The following CEBPZ variants were observed in gnomAD, a reference collection of about 807,000 sequenced individuals.
CEBPZ encodes the protein CCAAT enhancer binding protein zeta, also known as CCAAT/enhancer-binding protein zeta.
In CEBPZ, 78 loss-of-function variants were observed where a neutral mutation model predicts 104.5. That is an observed-to-expected ratio of 0.75 (90% CI 0.62 to 0.90). CEBPZ has a LOEUF of 0.90. CEBPZ is among the 40% of genes least tolerant of loss of function. CEBPZ has a pLI of 0.00. For synonymous variants in CEBPZ, 470 were observed against 427.0 expected (o/e 1.10, Z -1.24); for missense variants, 1,439 against 1,233.5 (o/e 1.17, Z -2.50).
chr2:37,212,984 C>T (rs990248780), intron 10 of CEBPZ, among the ~76,000 whole-genome samples: 1 of 151,760 alleles, frequency 6.6e-6, no homozygotes, highest in Non-Finnish European at 1.5e-5. Context: ...GGCTGCAGGG[C>T]TGCAGTGAGT....
intron 1 of CEBPZ, among the ~76,000 whole-genome samples, chr2:37,229,286 G>A (rs1013897791): frequency 3.7e-4 from 56 of 151,064 alleles, no homozygotes; most frequent in African/African-American, 1.2e-3. Context: ...TTATAAACTG[G>A]AAAAAAAATA....
rs1226080843 is a variant in CEBPZ, at chr2:37,220,389, T to C, written c.2150A>G (p.Lys717Arg). The C allele has an allele frequency of 2.6e-6, 4 of 1,527,872 alleles. No individual in the cohort carries two copies. The highest frequency in any genetic ancestry group is 2.8e-5 in the African/African-American group (2 of 72,312). 94.6% of individuals were successfully genotyped at this position (1,527,872 alleles called of 1,614,324 possible). A position where few individuals can be genotyped will look rare whatever the true frequency, so the allele number is the denominator to read the frequency against. The stretch of plus-strand genomic sequence containing the variant: ...GACAATTTGAAATTATTTTACCTTT[T>C]TGAGTTCCCAAAGACTTGTATTTTC... ...GAENTSLWELKKLSVHFHPSV... is the reference protein window; with the variant it reads ...GAENTSLWELRKLSVHFHPSV... Residue 717 changes from lysine (K) to arginine (R), a missense_variant, in exon 5 of 16, where the codon AAA (lysine) becomes AGA (arginine). Transcript: ENST00000234170.
intron 13 of CEBPZ, chr2:37,210,113 A>C (rs1677672365): frequency 6.6e-6 from 1 of 152,224 alleles, no homozygotes; most frequent in African/African-American, 2.4e-5. Context: ...GTAATTTAAA[A>C]ATAAAAAAAA....
intron 13 of CEBPZ, among the ~76,000 whole-genome samples, chr2:37,207,993 A>G (rs1465981062): frequency 6.6e-6 from 1 of 152,180 alleles, no homozygotes; most frequent in African/African-American, 2.4e-5. Flanking sequence ...CAGAAATACA[A>G]AAGATCATTC....
intron 10 of CEBPZ, among the ~76,000 whole-genome samples, chr2:37,213,276 CAT>C (rs1362585503): frequency 1.3e-5 from 2 of 152,142 alleles, no homozygotes; most frequent in Admixed American, 6.5e-5. Context: ...TTCTTTTTCA[CAT>C]GAGATTTGGC....
Position 37,228,403 on chromosome 2 carries a change from G to C in CEBPZ, c.790C>G (p.Gln264Glu). Reference sequence around the variant, plus strand: ...AGGTTCACAAGAGTTTCTACAAACTGAAGTGTGTGAACGGCATCATCCTGA... The same window carrying C: ...AGGTTCACAAGAGTTTCTACAAACTCAAGTGTGTGAACGGCATCATCCTGA... ...LIQDDAVHTL[Q>E]FVETLVNLVK... Residue 264 changes from glutamine (Q) to glutamate (E), a missense_variant, in exon 2 of 16, where the codon CAG becomes GAG. Coordinates refer to ENST00000234170, the MANE Select transcript of CEBPZ (RefSeq NM_005760.3). 1 of 1,614,222 alleles carries C rather than the reference G, an allele frequency of 6.2e-7. No homozygotes were observed. Among genetic ancestry groups the C allele is most frequent in the Non-Finnish European group, 8.5e-7 (1 of 1,180,038 alleles).
chr2:37,206,532 A>AT (rs1177450669), intron 13 of CEBPZ, among the ~76,000 whole-genome samples: 4 of 151,978 alleles, frequency 2.6e-5, no homozygotes, highest in Non-Finnish European at 4.4e-5. Flanking sequence ...TAATTTTTGT[A>AT]TTTTTTGTAG....
Position 37,201,682 on chromosome 2 carries a change from CA to C in CEBPZ, c.*81del, listed in dbSNP as rs1558462102. On this transcript the variant is annotated 3_prime_UTR_variant, in exon 16 of 16. Coordinates refer to ENST00000234170, the MANE Select transcript of CEBPZ (RefSeq NM_005760.3). ...CTGAGAAGTCTGGAATGTATGGAAT[CA>C]GAGAGCTAGATCAAAAAACATGGTT... is the stretch of plus-strand genomic sequence containing the variant. 1 of 851,026 alleles carries C rather than the reference CA, an allele frequency of 1.2e-6. No homozygotes were observed. The highest frequency in any genetic ancestry group is 2.0e-6 in the Non-Finnish European group (1 of 507,198). 52.7% of individuals were successfully genotyped at this position (851,026 alleles called of 1,614,324 possible). A position where few individuals can be genotyped will look rare whatever the true frequency, so the allele number is the denominator to read the frequency against.
intron 13 of CEBPZ, chr2:37,204,790 T>G (rs1329827939): frequency 6.6e-6 from 1 of 152,260 alleles, no homozygotes; most frequent in Admixed American, 6.5e-5. Context: ...TTCTTTAATC[T>G]GCATCCAAAA....
intron 13 of CEBPZ, among the ~76,000 whole-genome samples, chr2:37,205,058 A>G (rs1034592646): frequency 2.0e-5 from 3 of 152,250 alleles, no homozygotes; most frequent in African/African-American, 7.2e-5. Context: ...TAGATACTCA[A>G]GGGAAGACAA....
chr2:37,220,497 A>G (rs1455068874), intron 4 of CEBPZ, 24 bp from the exon 5 acceptor site: 4 of 1,246,480 alleles, frequency 3.2e-6, no homozygotes, highest in South Asian at 1.4e-5. Flanking sequence ...AAAAAATACG[A>G]TTTCTCAAAT....
intron 8 of CEBPZ, chr2:37,215,382 A>AGAGTTTT (rs1362090258): frequency 6.8e-6 from 1 of 146,902 alleles, no homozygotes; most frequent in Non-Finnish European, 1.5e-5. Flanking sequence ...GGAAGTTAAC[A>AGAGTTTT]GAGTTTTCCT....
rs1032620685 is a variant in CEBPZ, at chr2:37,227,896, T to C, written c.1297A>G (p.Ile433Val). The change falls in exon 2 of 16, where the codon ATC becomes GTC. Residue 433 changes from isoleucine (I) to valine (V), a missense_variant. Transcript: ENST00000234170. ...EVERLLFRSNISSKAQYYAIC... is the reference protein window; with the variant it reads ...EVERLLFRSNVSSKAQYYAIC... ...GCATAATATTGAGCTTTGGAGCTGA[T>C]ATTTGAGCGGAAGAGTAGCCTTTCT... 4 of 1,614,082 alleles carry C rather than the reference T, an allele frequency of 2.5e-6. No homozygotes were observed. The highest frequency in any genetic ancestry group is 3.4e-6 in the Non-Finnish European group (4 of 1,180,048).
intron 1 of CEBPZ, among the ~76,000 whole-genome samples, chr2:37,229,455 G>A (rs1387397827): frequency 6.6e-6 from 1 of 152,158 alleles, no homozygotes; most frequent in Non-Finnish European, 1.5e-5. Context: ...CCTCACTGAG[G>A]TTTAGACAAA....
chr2:37,216,242 A>G, intron 7 of CEBPZ, 34 bp from the exon 8 acceptor site: 1 of 1,604,894 alleles, frequency 6.2e-7, no homozygotes, highest in Non-Finnish European at 8.5e-7. Flanking sequence ...ATAATGCAAA[A>G]CCTAGTTATA....
rs372407822 is a variant in CEBPZ at position 37,216,355 on chromosome 2, G to T, written c.2272C>A (p.Arg758=). 6.2e-7 allele frequency: 1 copy of T among 1,613,710 alleles called. No individual in the cohort carries two copies. Among genetic ancestry groups the T allele is most frequent in the Non-Finnish European group, 8.5e-7 (1 of 1,179,840 alleles). Residue 758 remains arginine, a synonymous_variant, in exon 7 of 16, where the codon CGA becomes AGA. Coordinates refer to ENST00000234170, the MANE Select transcript of CEBPZ (RefSeq NM_005760.3). ...QDFTLMRFLD[R]FVYRNPKPHK... The stretch of plus-strand genomic sequence containing the variant: ...GGCTTTGGATTTCGGTATACAAATC[G>T]ATCCAAAAATCTCATTAGAGTGAAA...
rs1368155958 is a variant in CEBPZ, at chr2:37,227,775, A to T, written c.1418T>A (p.Val473Asp). 1.9e-6 allele frequency: 3 copies of T among 1,613,478 alleles called. No individual in the cohort carries two copies. Among genetic ancestry groups the T allele is most frequent in the Non-Finnish European group, 1.7e-6 (2 of 1,179,896 alleles). ...TTTTGATTCAACATCTTTTTTTTTGACACAAGTCCGAAAAAAGCAAAAGTA... is the reference window on the plus strand; with the variant it reads ...TTTTGATTCAACATCTTTTTTTTTGTCACAAGTCCGAAAAAAGCAAAAGTA... ...TVYFCFFRTC[V>D]KKKDVESKML... Residue 473 changes from valine (V) to aspartate (D), a missense_variant, in exon 2 of 16, where the codon GTC becomes GAC. By Grantham distance (152) the Val-to-Asp change is radical. Transcript: ENST00000234170.
intron 13 of CEBPZ, chr2:37,209,215 C>T (rs1677640480): frequency 1.3e-5 from 2 of 152,112 alleles, no homozygotes; most frequent in African/African-American, 4.8e-5. Flanking sequence ...AATGACCATA[C>T]TGCCAAAAGC....
intron 5 of CEBPZ, among the ~76,000 whole-genome samples, chr2:37,219,182 T>C (rs1664706047): frequency 6.6e-6 from 1 of 152,226 alleles, no homozygotes; most frequent in African/African-American, 2.4e-5. Context: ...AATAACCAGT[T>C]TGTCAGTCTT....
Sources: gnomAD v4.1 joint callset for allele counts (sites outside exome capture counted in the v4.1 genomes callset) on GRCh38, gnomAD v4.1.1 for gene constraint, MANE v1.5 for transcripts, NCBI Gene and HGNC (gene_info 2026-07-23, HGNC 2026-07-21) for gene names.